Variants in FGF12 observed in about 807,000 individuals in gnomAD.
The protein encoded by FGF12 is fibroblast growth factor 12.
Under a neutral mutation model 23.6 loss-of-function variants are expected in FGF12, and 14 were observed. The observed-to-expected ratio is 0.59, with a 90% CI of 0.39 to 0.93. FGF12 has a LOEUF of 0.93. Among genes scored for constraint, FGF12 ranks in the 40% least tolerant of loss-of-function variants. The pLI is 0.00. For synonymous variants in FGF12, 62 were observed against 77.3 expected (o/e 0.80, Z 1.04); for missense variants, 175 against 217.8 (o/e 0.80, Z 1.24).
intron 4 of FGF12, among the ~76,000 whole-genome samples, chr3:192,316,801 C>T (rs748208949): frequency 3.9e-5 from 6 of 152,204 alleles, no homozygotes; most frequent in Admixed American, 6.5e-5. Flanking sequence ...CTCCCCCAAC[C>T]CCAGGCAGTG....
intron 2 of FGF12, among the ~76,000 whole-genome samples, chr3:192,636,830 AAAGCAGAAATGGAAAC>A (rs1715601055): frequency 6.6e-6 from 1 of 152,218 alleles, no homozygotes; most frequent in Non-Finnish European, 1.5e-5. Flanking sequence ...TACTAAATTA[AAAGCAGAAATGGAAAC>A]AAGGATACAG....
At chr3:192,161,103 T>C (rs1714843867) in intron 5 of FGF12, among the ~76,000 whole-genome samples, 1 of 151,798 alleles carries the variant, frequency 6.6e-6, no homozygotes, top group African/African-American at 2.4e-5. Flanking sequence ...CATTATAGAG[T>C]CTAGAAAGGA....
chr3:192,372,486 G>T (rs1267166204), intron 2 of FGF12, among the ~76,000 whole-genome samples: 1 of 152,008 alleles, frequency 6.6e-6, no homozygotes, highest in Non-Finnish European at 1.5e-5. Flanking sequence ...TTCGGCAAAA[G>T]AGCAGTTGAG....
At chr3:192,463,229 G>C (rs1016397648) in intron 2 of FGF12, among the ~76,000 whole-genome samples, 2 of 152,068 alleles carry the variant, frequency 1.3e-5, no homozygotes, top group African/African-American at 2.4e-5. Flanking sequence ...GACCAGCCTG[G>C]ACAACGTGGC....
At chr3:192,197,504 A>G (rs923806508) in intron 4 of FGF12, among the ~76,000 whole-genome samples, 1 of 152,250 alleles carries the variant, frequency 6.6e-6, no homozygotes. Flanking sequence ...CATAAAGATC[A>G]TAAGGACCTT....
chr3:192,401,983 C>T (rs1478796443), intron 2 of FGF12, among the ~76,000 whole-genome samples: 1 of 152,174 alleles, frequency 6.6e-6, no homozygotes, highest in East Asian at 1.9e-4. Context: ...CTTCATTTTA[C>T]AAATCAGCAA....
At chr3:192,496,085 A>T (rs762983017) in intron 2 of FGF12, among the ~76,000 whole-genome samples, 4 of 152,200 alleles carry the variant, frequency 2.6e-5, no homozygotes, top group Non-Finnish European at 4.4e-5. Flanking sequence ...GACTCCAAAA[A>T]CCATTAGCAG....
At chr3:192,308,419 T>C (rs1259771461) in intron 4 of FGF12, among the ~76,000 whole-genome samples, 4 of 152,184 alleles carry the variant, frequency 2.6e-5, no homozygotes, top group African/African-American at 9.7e-5. Context: ...GGCTCACGCC[T>C]GTAATCCCAG....
At chr3:192,660,456 C>T (rs1716619441) in intron 2 of FGF12, among the ~76,000 whole-genome samples, 1 of 148,298 alleles carries the variant, frequency 6.7e-6, no homozygotes, top group South Asian at 2.1e-4. Context: ...CACATGTATA[C>T]ATATGTAACA....
At chr3:192,719,750 C>A (rs1238750422) in intron 2 of FGF12, among the ~76,000 whole-genome samples, 9 of 148,486 alleles carry the variant, frequency 6.1e-5, no homozygotes, top group African/African-American at 2.2e-4. Context: ...GAGTATCTAA[C>A]CCCAATTTAT....
intron 2 of FGF12, among the ~76,000 whole-genome samples, chr3:192,656,109 C>T (rs1412896148): frequency 6.6e-6 from 1 of 150,934 alleles, no homozygotes; most frequent in South Asian, 2.1e-4. Flanking sequence ...GAAGGGTATG[C>T]ACTCAATAAA....
At chr3:192,691,252 C>G (rs371165641) in intron 2 of FGF12, among the ~76,000 whole-genome samples, 2 of 151,996 alleles carry the variant, frequency 1.3e-5, no homozygotes, top group Non-Finnish European at 2.9e-5. Flanking sequence ...TAATGGCACA[C>G]GGAACATTGT....
chr3:192,214,975 C>G (rs1718116199), intron 4 of FGF12, among the ~76,000 whole-genome samples: 1 of 152,202 alleles, frequency 6.6e-6, no homozygotes, highest in Admixed American at 6.5e-5. Flanking sequence ...ATTCTTCATG[C>G]TTTCAGCTCC....
chr3:192,290,339 A>G (rs1714688889), intron 4 of FGF12, among the ~76,000 whole-genome samples: 1 of 152,182 alleles, frequency 6.6e-6, no homozygotes, highest in Non-Finnish European at 1.5e-5. Context: ...AACAATTTTT[A>G]AAAAGATTTG....
At chr3:192,659,863 T>C (rs1716584770) in intron 2 of FGF12, among the ~76,000 whole-genome samples, 4 of 152,200 alleles carry the variant, frequency 2.6e-5, no homozygotes, top group Non-Finnish European at 2.9e-5. Flanking sequence ...TGGTATCTCA[T>C]TGTGGTTTTG....
chr3:192,535,751 T>C (rs1725208229), intron 2 of FGF12, among the ~76,000 whole-genome samples: 1 of 152,214 alleles, frequency 6.6e-6, no homozygotes, highest in Admixed American at 6.5e-5. Flanking sequence ...CTAAAATTCA[T>C]AGAATGGAGC....
chr3:192,327,314 A>G (rs1273969460), intron 4 of FGF12, among the ~76,000 whole-genome samples: 4 of 152,210 alleles, frequency 2.6e-5, no homozygotes, highest in Admixed American at 2.6e-4. Context: ...ATAAGAACTT[A>G]TAATATTACT....
intron 2 of FGF12, among the ~76,000 whole-genome samples, chr3:192,573,566 G>A (rs868450028): frequency 1.2e-4 from 18 of 152,072 alleles, no homozygotes; most frequent in African/African-American, 3.9e-4. Flanking sequence ...ACTAGCCTTC[G>A]GACTTAAACT....
At position 192,154,875 on chromosome 3, in the gene FGF12, A is replaced by C. The variant is rs573927676; in HGVS notation, c.428-10748T>G. Among the ~76,000 whole-genome samples the C allele has an allele frequency of 4.8e-3, 664 of 139,676 alleles. 11 individuals carry two copies. The highest frequency in any genetic ancestry group is 0.017 in the African/African-American group (631 of 37,540). 91.6% of individuals were successfully genotyped at this position (139,676 alleles called of 152,430 possible). A position where few individuals can be genotyped will look rare whatever the true frequency, so the allele number is the denominator to read the frequency against. ...AGCTTCCCGGCTGCTTTGTTTACCT[A>C]AACAAGCCTGGGCAATGGCGGGCGC... On this transcript the variant is annotated intron_variant, in intron 5 of 5. Transcript: ENST00000445105.
Sources: allele counts gnomAD v4.1 joint callset (sites outside exome capture counted in the v4.1 genomes callset), GRCh38; gene constraint gnomAD v4.1.1; transcripts MANE v1.5; gene names NCBI Gene and HGNC (gene_info 2026-07-23, HGNC 2026-07-21).